Variants in SBK1 observed in about 807,000 individuals in gnomAD.
The protein encoded by SBK1 is serine/threonine-protein kinase SBK1.
In SBK1, 11 loss-of-function variants were observed where a neutral mutation model predicts 24.4. The observed-to-expected ratio is 0.45, with a 90% confidence interval of 0.28 to 0.75. SBK1 has a LOEUF of 0.75. SBK1 is among the 30% of genes least tolerant of loss of function. SBK1 has a pLI of 0.12. For synonymous variants in SBK1, 308 were observed against 284.4 expected (o/e 1.08, Z -0.83); for missense variants, 467 against 620.5 (o/e 0.75, Z 2.63).
chr16:28,289,769 GAA>G (rs796696661), upstream of SBK1, among the ~76,000 whole-genome samples: 1 of 124,798 alleles, frequency 8.0e-6, no homozygotes. Flanking sequence ...CTCCATCTCA[GAA>G]AAAAAAAAAA....
chr16:28,297,604 G>A lies in SBK1; in HGVS notation c.-8+4304G>A, dbSNP rs143328178. ...TCAGCAAGGCACTTACCCTTTCTGG[G>A]CCTCAGTGCCCTCATCTATAAAAGA... On this transcript the variant is annotated intron_variant, in intron 1 of 3. Coordinates refer to ENST00000341901, the MANE Select transcript of SBK1 (RefSeq NM_001024401.3). Among the ~76,000 whole-genome samples, 1,479 of 152,310 alleles carry A rather than the reference G, an allele frequency of 9.7e-3. 7 individuals carry two copies. The highest frequency in any genetic ancestry group is 0.027 in the South Asian group (130 of 4,820).
rs1433740591 is a variant in SBK1 at position 28,293,816 on chromosome 16, G to A, written c.-8+516G>A. ...TGCGGGGAAGGGGTGTGTTTGAGCG[G>A]ATGAATGGGAATCGCATCTTCCCTG... On this transcript the variant is annotated intron_variant, in intron 1 of 3. Coordinates refer to ENST00000341901, the MANE Select transcript of SBK1 (RefSeq NM_001024401.3). 1.5e-4 allele frequency among the ~76,000 whole-genome samples: 23 copies of A among 152,106 alleles called. 1 individual carries two copies. Among genetic ancestry groups the A allele is most frequent in the Admixed American group, 1.5e-3 (23 of 15,276 alleles).
intron 1 of SBK1, among the ~76,000 whole-genome samples, chr16:28,275,536 G>C (rs1357379787): frequency 6.6e-6 from 1 of 152,052 alleles, no homozygotes; most frequent in Non-Finnish European, 1.5e-5. Context: ...TCAAGACGTG[G>C]GTCAGGAGGA....
chr16:28,309,730 T>C (rs1309388277), intron 1 of SBK1, among the ~76,000 whole-genome samples: 1 of 152,168 alleles, frequency 6.6e-6, no homozygotes, highest in Non-Finnish European at 1.5e-5. Flanking sequence ...AACCTTTTAT[T>C]TTTTAAAAAA....
intron 1 of SBK1, among the ~76,000 whole-genome samples, chr16:28,270,147 C>T (rs1177424812): frequency 2.0e-5 from 3 of 151,706 alleles, no homozygotes; most frequent in East Asian, 2.0e-4. Flanking sequence ...ACTCAACCTC[C>T]GCCTCCCAGG....
At position 28,320,012 on chromosome 16, in the gene SBK1, G is replaced by C. The variant is rs766980951; in HGVS notation, c.430-64G>C. On this transcript the variant is annotated intron_variant, in intron 3 of 3. Coordinates refer to ENST00000341901, the MANE Select transcript of SBK1 (RefSeq NM_001024401.3). The surrounding 1 kb of genome is among the most constrained non-coding windows in gnomAD (Gnocchi z 8.5). The stretch of plus-strand genomic sequence containing the variant: ...CGCCTTGCTAGAGAGGGAGCTGGAG[G>C]GGAGGGCGGCGGGGCGGGCGCTGGA... 1 of 1,406,624 alleles carries C rather than the reference G, an allele frequency of 7.1e-7. No individual in the cohort carries two copies. The highest frequency in any genetic ancestry group is 1.5e-5 in the African/African-American group (1 of 66,940). 87.1% of individuals were successfully genotyped at this position (1,406,624 alleles called of 1,614,324 possible).
intron 1 of SBK1, among the ~76,000 whole-genome samples, chr16:28,263,850 C>A (rs1027564566): frequency 7.9e-5 from 12 of 152,114 alleles, no homozygotes; most frequent in African/African-American, 2.9e-4. Context: ...GGAGGCTGGG[C>A]ACAGTGGTTC....
intron 1 of SBK1, among the ~76,000 whole-genome samples, chr16:28,303,398 A>T (rs2141582043): frequency 6.6e-6 from 1 of 151,864 alleles, no homozygotes; most frequent in East Asian, 1.9e-4. Context: ...GTGGCTAAGC[A>T]CCTTGCTAAT....
intron 1 of SBK1, among the ~76,000 whole-genome samples, chr16:28,271,158 C>T (rs1321457776): frequency 1.1e-4 from 16 of 152,090 alleles, no homozygotes; most frequent in Admixed American, 6.6e-5. Flanking sequence ...CCACTGCACC[C>T]GGCCTACGCA....
chr16:28,292,522 C>G, upstream of SBK1: 1 of 978,336 alleles, frequency 1.0e-6, no homozygotes, highest in African/African-American at 1.8e-5. Flanking sequence ...AGGGCGGAGC[C>G]GCGATGCCGC....
At chr16:28,297,305 T>A (rs964628662) in intron 1 of SBK1, among the ~76,000 whole-genome samples, 3 of 152,122 alleles carry the variant, frequency 2.0e-5, no homozygotes, top group African/African-American at 7.2e-5. Context: ...CACTCCAGCC[T>A]GGGTGACAGA....
At chr16:28,305,447 G>A (rs1295045863) in intron 1 of SBK1, among the ~76,000 whole-genome samples, 16 of 151,532 alleles carry the variant, frequency 1.1e-4, no homozygotes, top group Non-Finnish European at 1.6e-4. Context: ...CCTGACCTCA[G>A]GTGATCCGCC....
At chr16:28,280,137 A>ATGTGTGTGTG (rs1361531982) in intron 1 of SBK1, among the ~76,000 whole-genome samples, 4 of 59,112 alleles carry the variant, frequency 6.8e-5, no homozygotes, top group Non-Finnish European at 1.7e-4. Context: ...ATATATATAT[A>ATGTGTGTGTG]TATATATATA....
intron 1 of SBK1, among the ~76,000 whole-genome samples, chr16:28,313,529 C>T (rs572819021): frequency 2.7e-5 from 4 of 148,728 alleles, no homozygotes; most frequent in Middle Eastern, 3.6e-3. Flanking sequence ...GTCCGGGATA[C>T]AGAAGTTGCA....
At chr16:28,304,035 C>A (rs1055594766) in intron 1 of SBK1, among the ~76,000 whole-genome samples, 1 of 152,150 alleles carries the variant, frequency 6.6e-6, no homozygotes, top group South Asian at 2.1e-4. Context: ...CAAACTCACT[C>A]ACCCTCTAAC....
At chr16:28,260,901 G>A (rs2044393337) in intron 1 of SBK1, among the ~76,000 whole-genome samples, 1 of 152,212 alleles carries the variant, frequency 6.6e-6, no homozygotes, top group African/African-American at 2.4e-5. Flanking sequence ...AGGCCCACCA[G>A]GTCTGTCTTA....
intron 1 of SBK1, among the ~76,000 whole-genome samples, chr16:28,304,764 C>G (rs970959951): frequency 6.6e-6 from 1 of 151,652 alleles, no homozygotes; most frequent in Non-Finnish European, 1.5e-5. Flanking sequence ...CCCGCCACCA[C>G]GCCCAGCTAA....
At chr16:28,282,536 T>C (rs1026366612) in intron 1 of SBK1, among the ~76,000 whole-genome samples, 2 of 152,200 alleles carry the variant, frequency 1.3e-5, no homozygotes, top group African/African-American at 4.8e-5. Context: ...TCTCCCTCAC[T>C]AGTCTGGGAG....
intron 1 of SBK1, among the ~76,000 whole-genome samples, chr16:28,265,366 C>A (rs1277281978): frequency 6.6e-6 from 1 of 152,042 alleles, no homozygotes; most frequent in Non-Finnish European, 1.5e-5. Context: ...TTACACCGAG[C>A]CATGATGGCG....
Sources: gnomAD v4.1 joint callset for allele counts (sites outside exome capture counted in the v4.1 genomes callset) on GRCh38, gnomAD v4.1.1 for gene constraint, Gnocchi (gnomAD v3.1) non-coding constraint, MANE v1.5 for transcripts, NCBI Gene and HGNC (gene_info 2026-07-23, HGNC 2026-07-21) for gene names.